MED13L: variants seen among roughly 807,000 people sequenced by gnomAD.
MED13L encodes the protein mediator complex subunit 13L, also known as mediator of RNA polymerase II transcription subunit 13-like.
In MED13L, 7 loss-of-function variants were observed where a neutral mutation model predicts 220.9. The observed-to-expected ratio is 0.03, with a 90% CI of 0.02 to 0.06. The LOEUF (loss-of-function observed/expected upper bound fraction) is 0.06, where lower values mean the gene tolerates loss of function less well. Among genes scored for constraint, MED13L ranks in the 10% least tolerant of loss-of-function variants. MED13L has a pLI of 1.00. For missense variants in MED13L, 1,965 were observed against 2,760.5 expected, an observed-to-expected ratio of 0.71 and a Z score of 6.46; for synonymous variants, 1,011 against 1,015.2, an observed-to-expected ratio of 1.00 and a Z score of 0.08.
chr12:116,133,357 T>C (rs1006246863), intron 2 of MED13L, among the ~76,000 whole-genome samples: 4 of 152,216 alleles, frequency 2.6e-5, no homozygotes, highest in Admixed American at 1.3e-4. Context: ...GTAGGACTCT[T>C]AATGTTAAGA....
intron 2 of MED13L, among the ~76,000 whole-genome samples, chr12:116,113,277 C>G (rs1176113459): frequency 6.6e-6 from 1 of 151,964 alleles, no homozygotes; most frequent in African/African-American, 2.4e-5. Flanking sequence ...CCATAATTTT[C>G]TTCCACTGGT....
At chr12:116,038,035 A>G (rs1881289683) in intron 4 of MED13L, among the ~76,000 whole-genome samples, 1 of 152,186 alleles carries the variant, frequency 6.6e-6, no homozygotes, top group Non-Finnish European at 1.5e-5. Context: ...TTATCTAGTC[A>G]CAGTCTCTGG....
At chr12:115,971,549 A>C (rs1289830030) in intron 26 of MED13L, among the ~76,000 whole-genome samples, 1 of 152,208 alleles carries the variant, frequency 6.6e-6, no homozygotes, top group African/African-American at 2.4e-5. Context: ...TTCTGTGGCC[A>C]CGTTTTGGCC....
intron 16 of MED13L, among the ~76,000 whole-genome samples, chr12:115,995,016 G>A (rs1878308509): frequency 6.6e-6 from 1 of 152,198 alleles, no homozygotes; most frequent in African/African-American, 2.4e-5. Context: ...TGCAAGGCAG[G>A]AATTTCAGTC....
intron 9 of MED13L, 52 bp downstream of exon 9, chr12:116,012,745 C>T: frequency 7.9e-7 from 1 of 1,266,934 alleles, no homozygotes; most frequent in South Asian, 1.2e-5. Context: ...GATGAATCAA[C>T]AAGATGCGCC....
chr12:116,052,376 G>T (rs191420653), intron 4 of MED13L, among the ~76,000 whole-genome samples: 1 of 152,264 alleles, frequency 6.6e-6, no homozygotes, highest in South Asian at 2.1e-4. Flanking sequence ...TGGGTCTCTC[G>T]CTAGGTCAAA....
intron 1 of MED13L, among the ~76,000 whole-genome samples, chr12:116,252,793 A>G (rs1358454657): frequency 6.6e-6 from 1 of 152,092 alleles, no homozygotes; most frequent in Non-Finnish European, 1.5e-5. Flanking sequence ...CAGACACACT[A>G]CCAATATCAG....
intron 2 of MED13L, among the ~76,000 whole-genome samples, chr12:116,136,660 T>C (rs1876581117): frequency 2.0e-5 from 3 of 152,216 alleles, no homozygotes; most frequent in Non-Finnish European, 2.9e-5. Flanking sequence ...AACAGAAACC[T>C]GCGTTCAAGT....
At chr12:116,190,640 C>T (rs751245779) in intron 2 of MED13L, among the ~76,000 whole-genome samples, 4 of 152,182 alleles carry the variant, frequency 2.6e-5, no homozygotes, top group Non-Finnish European at 5.9e-5. Flanking sequence ...AAACTAAGTA[C>T]TCCTTTGCAT....
chr12:116,099,179 C>A (rs190340074), intron 3 of MED13L, among the ~76,000 whole-genome samples: 19 of 152,322 alleles, frequency 1.2e-4, no homozygotes, highest in Non-Finnish European at 2.9e-5. Context: ...GAGCTGCACA[C>A]AAGCCCAGGT....
intron 4 of MED13L, among the ~76,000 whole-genome samples, chr12:116,061,574 T>A (rs1869488379): frequency 6.6e-6 from 1 of 152,180 alleles, no homozygotes; most frequent in African/African-American, 2.4e-5. Context: ...TGATAGTTAC[T>A]AAAATTAAGT....
chr12:116,066,198 C>T (rs142730368), intron 4 of MED13L, among the ~76,000 whole-genome samples: 2 of 152,144 alleles, frequency 1.3e-5, no homozygotes, highest in Non-Finnish European at 2.9e-5. Context: ...GAAAAGCATG[C>T]GCACTCTGGA....
At chr12:116,040,339 T>C (rs1322411728) in intron 4 of MED13L, among the ~76,000 whole-genome samples, 1 of 152,222 alleles carries the variant, frequency 6.6e-6, no homozygotes. Flanking sequence ...TATAAGATAC[T>C]ATTTGAATCA....
At chr12:116,013,343 T>C (rs551111031) in intron 8 of MED13L, among the ~76,000 whole-genome samples, 325 of 152,310 alleles carry the variant, frequency 2.1e-3, no homozygotes, top group African/African-American at 7.6e-3. Flanking sequence ...TCCCAGATTA[T>C]CCACATGGGT....
rs767037845 is a variant in MED13L, at chr12:115,986,410, T to C, written c.4194A>G (p.Pro1398=). Reference sequence around the variant, plus strand: ...GCCTCTCCCAAAACGGCAAGGAGAATGGCGAGATGGTGAGGAAATCCTTGT... The same window carrying C: ...GCCTCTCCCAAAACGGCAAGGAGAACGGCGAGATGGTGAGGAAATCCTTGT... The part of the protein sequence containing the change: ...GYDKDFLTIS[P]FSLPFWERLL... The change falls in exon 19 of 31, where the codon CCA becomes CCG. Residue 1398 remains proline, a synonymous_variant. Coordinates refer to ENST00000281928, the MANE Select transcript of MED13L (RefSeq NM_015335.5). 1.2e-6 allele frequency: 2 copies of C among 1,614,080 alleles called. No homozygotes were observed. The highest frequency in any genetic ancestry group is 8.5e-7 in the Non-Finnish European group (1 of 1,179,992).
chr12:116,154,222 A>T (rs1878266510), intron 2 of MED13L, among the ~76,000 whole-genome samples: 1 of 152,188 alleles, frequency 6.6e-6, no homozygotes, highest in Admixed American at 6.6e-5. Context: ...ACAAAGTCAA[A>T]CAGCAAGTAC....
intron 3 of MED13L, among the ~76,000 whole-genome samples, chr12:116,102,702 T>TC (rs1565878483): frequency 1.0e-4 from 9 of 88,704 alleles, no homozygotes; most frequent in African/African-American, 3.6e-4. Context: ...TTTTTCTTTT[T>TC]CTTTTTTCTT....
chr12:116,224,218 A>G (rs1868731321), intron 2 of MED13L, among the ~76,000 whole-genome samples: 2 of 152,226 alleles, frequency 1.3e-5, no homozygotes, highest in Non-Finnish European at 2.9e-5. Flanking sequence ...TTTAAGCTCC[A>G]AGAGGCCCAA....
chr12:116,165,259 CTTTTTTTTTT>C (rs34196219), intron 2 of MED13L, among the ~76,000 whole-genome samples: 40 of 74,492 alleles, frequency 5.4e-4, no homozygotes, highest in Admixed American at 1.3e-3. Context: ...AGGCACCATC[CTTTTTTTTTT>C]TTTTTTTTTT....
Sources: gnomAD v4.1 joint callset for allele counts (sites outside exome capture counted in the v4.1 genomes callset) on GRCh38, gnomAD v4.1.1 for gene constraint, MANE v1.5 for transcripts, NCBI Gene and HGNC (gene_info 2026-07-23, HGNC 2026-07-21) for gene names.